Variants in SOX6 observed in about 807,000 individuals in gnomAD.
SOX6 encodes SRY-box transcription factor 6.
Under a neutral mutation model 97.8 loss-of-function variants are expected in SOX6, and 11 were observed. The ratio of observed to expected loss-of-function variants is 0.11; its 90% confidence interval spans 0.07 to 0.19. SOX6 has a LOEUF of 0.19. Ranked by LOEUF, SOX6 falls within the 10% of genes least tolerant of loss-of-function variation. The pLI is 1.00. For synonymous variants in SOX6, 360 were observed against 371.4 expected, an observed-to-expected ratio of 0.97 and a Z score of 0.35; for missense variants, 810 against 1,039.5, an observed-to-expected ratio of 0.78 and a Z score of 3.04.
At chr11:16,064,502 A>G (rs1475393693) in intron 9 of SOX6, among the ~76,000 whole-genome samples, 2 of 148,802 alleles carry the variant, frequency 1.3e-5, no homozygotes, top group Non-Finnish European at 3.0e-5. Flanking sequence ...TTGATACCAA[A>G]ACCAGACAAA....
At chr11:16,484,267 G>T in intron 4 of SOX6, 1 of 1,105,270 alleles carries the variant, frequency 9.0e-7, no homozygotes, top group Non-Finnish European at 1.4e-6. Flanking sequence ...GAATGTTGGT[G>T]TCACTGGGAA....
intron 3 of SOX6, among the ~76,000 whole-genome samples, chr11:16,290,273 G>T (rs1272192622): frequency 6.6e-6 from 1 of 151,952 alleles, no homozygotes; most frequent in African/African-American, 2.4e-5. Flanking sequence ...TAGCTTTCAA[G>T]TTTTCTTAGT....
intron 8 of SOX6, among the ~76,000 whole-genome samples, chr11:16,096,511 C>A (rs2133974474): frequency 6.6e-6 from 1 of 151,912 alleles, no homozygotes; most frequent in African/African-American, 2.4e-5. Flanking sequence ...GCTAGGCAGC[C>A]CATAATGGGT....
At chr11:16,729,584 A>G (rs1464057552) in intron 2 of SOX6, among the ~76,000 whole-genome samples, 3 of 152,224 alleles carry the variant, frequency 2.0e-5, no homozygotes, top group African/African-American at 7.2e-5. Context: ...AGGAAGCACT[A>G]AACATGGAAA....
intron 15 of SOX6, among the ~76,000 whole-genome samples, chr11:15,977,689 GC>G (rs1213546727): frequency 6.6e-6 from 1 of 151,932 alleles, no homozygotes; most frequent in African/African-American, 2.4e-5. Flanking sequence ...AAAATACACT[GC>G]CATACTTACT....
In SOX6 at chr11:16,097,686, C is replaced by A; in HGVS notation, c.901G>T (p.Asp301Tyr). Residue 301 changes from aspartate (D) to tyrosine (Y), a missense_variant and splice_region_variant, in exon 8 of 16, where the codon GAT (aspartate) becomes TAT (tyrosine). Asp to Tyr is a radical substitution (Grantham distance 160). Around this residue, in one of 9 missense-constraint regions of SOX6, gnomAD observed 244 missense variants for 261.0 expected, o/e 0.93. Transcript: ENST00000683767. ...FPPGITYKPGDNYPVQFIPST... is the reference protein window; with the variant it reads ...FPPGITYKPGYNYPVQFIPST... ...GGAATGAACTGTACGGGGTAGTTAT[C>A]ACCTGTCGGAAAGAACAATGCATAC... is the stretch of plus-strand genomic sequence containing the variant. The A allele has an allele frequency of 6.2e-7, 1 of 1,610,636 alleles. No homozygotes were observed. The highest frequency in any genetic ancestry group is 1.1e-5 in the South Asian group (1 of 91,026).
chr11:16,262,446 C>G (rs1323747107), intron 3 of SOX6, among the ~76,000 whole-genome samples: 2 of 151,952 alleles, frequency 1.3e-5, no homozygotes, highest in Non-Finnish European at 1.5e-5. Context: ...GCTGAACAAA[C>G]GAAAATAGTG....
chr11:16,477,681 T>G (rs545407905), upstream of SOX6, among the ~76,000 whole-genome samples: 115 of 152,284 alleles, frequency 7.6e-4, no homozygotes, highest in African/African-American at 2.6e-3. Context: ...CTAAAAAATC[T>G]CTAAAAAAAG....
upstream of SOX6, among the ~76,000 whole-genome samples, chr11:16,479,690 G>A (rs1860310199): frequency 6.6e-6 from 1 of 152,070 alleles, no homozygotes; most frequent in Non-Finnish European, 1.5e-5. Flanking sequence ...TTGGCAAAAC[G>A]TTTTATAAAC....
chr11:16,176,532 G>C (rs980260652), intron 6 of SOX6, among the ~76,000 whole-genome samples: 2 of 151,832 alleles, frequency 1.3e-5, no homozygotes, highest in Admixed American at 1.3e-4. Context: ...AGGTTCATAT[G>C]TAAACACCAA....
chr11:16,652,657 A>G lies in SOX6; in HGVS notation n.430-40397T>C, dbSNP rs913827040. Among the ~76,000 whole-genome samples the G allele has an allele frequency of 2.0e-5, 3 of 152,312 alleles. No homozygotes were observed. In the East Asian group the frequency reaches 5.8e-4, roughly 29 times the overall value. ...AAATCTAAGACCTGAAACCCTAAAA[A>G]TTCTAGAAGATAACATTGGTAAAAC... On this transcript the variant is annotated intron_variant and non_coding_transcript_variant, in intron 3 of 5. Coordinates refer to the SOX6 transcript ENST00000524520.
At chr11:16,604,361 G>A (rs1465707284) in intron 4 of SOX6, among the ~76,000 whole-genome samples, 1 of 152,198 alleles carries the variant, frequency 6.6e-6, no homozygotes, top group South Asian at 2.1e-4. Flanking sequence ...GGCTGTGTCT[G>A]TTCTCCTCGG....
chr11:16,165,626 A>C (rs539599732), intron 6 of SOX6, among the ~76,000 whole-genome samples: 22 of 152,128 alleles, frequency 1.4e-4, no homozygotes, highest in Non-Finnish European at 2.9e-4. Flanking sequence ...GGCCAGGTGC[A>C]GTGGCTCACA....
chr11:16,356,144 A>G lies in SOX6; in HGVS notation c.-55T>C, dbSNP rs1211473431. ...CAATCCGGCTTTCTCTTACCACATC[A>G]GCCAGAACTTCAGAACTTGAGGGCA... On this transcript the variant is annotated 5_prime_UTR_variant, in exon 1 of 16. Transcript: ENST00000683767. Among the ~76,000 whole-genome samples the G allele has an allele frequency of 6.6e-6, 1 of 151,712 alleles. No homozygotes were observed. Among genetic ancestry groups the G allele is most frequent in the Non-Finnish European group, 1.5e-5 (1 of 67,900 alleles).
intron 4 of SOX6, among the ~76,000 whole-genome samples, chr11:16,489,591 T>C (rs2133131503): frequency 6.6e-6 from 1 of 152,224 alleles, no homozygotes; most frequent in Middle Eastern, 3.4e-3. Flanking sequence ...GATTAACTAC[T>C]TTTTCCTTGA....
chr11:16,132,460 G>GAA (rs1288971226), intron 6 of SOX6, among the ~76,000 whole-genome samples: 1 of 130,656 alleles, frequency 7.7e-6, no homozygotes. Context: ...AAGAAAGAAA[G>GAA]AAAGAAAGAA....
rs1855219565 is a variant in SOX6, at chr11:16,300,265, A to C, written c.445+18181T>G. On this transcript the variant is annotated intron_variant, in intron 3 of 15. Coordinates refer to ENST00000683767, the MANE Select transcript of SOX6 (RefSeq NM_001367873.1). This position sits in a 1 kb window ranked among gnomAD's most constrained non-coding sequence, Gnocchi z 4.1. ...ACTGAGCTGAGCAGGGATTAAAAAAAAGGACTTATACAAATGGAGAAAGTC... is the reference window on the plus strand; with the variant it reads ...ACTGAGCTGAGCAGGGATTAAAAAACAGGACTTATACAAATGGAGAAAGTC... Among the ~76,000 whole-genome samples, 1 of 152,202 alleles carries C rather than the reference A, an allele frequency of 6.6e-6. No homozygotes were observed. Among genetic ancestry groups the C allele is most frequent in the African/African-American group, 2.4e-5 (1 of 41,446 alleles).
intron 1 of SOX6, among the ~76,000 whole-genome samples, chr11:16,464,663 G>GTATTTA (rs1859994306): frequency 6.6e-6 from 1 of 152,024 alleles, no homozygotes; most frequent in African/African-American, 2.4e-5. Context: ...GATGCTTCTT[G>GTATTTA]GTCATAGTTA....
At chr11:16,476,993 T>A (rs1284707798), upstream of SOX6, among the ~76,000 whole-genome samples, 1 of 152,224 alleles carries the variant, frequency 6.6e-6, no homozygotes, top group African/African-American at 2.4e-5. Context: ...CTTATACAAA[T>A]TTTTAACATA....
Sources: allele counts gnomAD v4.1 joint callset (sites outside exome capture counted in the v4.1 genomes callset), GRCh38; gene constraint gnomAD v4.1.1; regional missense constraint gnomAD v4.1.1; non-coding constraint Gnocchi (gnomAD v3.1); transcripts MANE v1.5; gene names NCBI Gene and HGNC (gene_info 2026-07-23, HGNC 2026-07-21).